The following LINGO2 variants were observed in gnomAD, a reference collection of about 807,000 sequenced individuals.
The protein encoded by LINGO2 is leucine rich repeat and Ig domain containing 2.
A neutral mutation model predicts 30.6 loss-of-function variants in LINGO2; 14 were observed. The ratio of observed to expected loss-of-function variants is 0.46; its 90% CI spans 0.30 to 0.72. The LOEUF is 0.72. Ranked by LOEUF, LINGO2 falls within the 30% of genes least tolerant of loss-of-function variation. LINGO2 has a pLI of 0.07. For synonymous variants in LINGO2, 317 were observed against 288.5 expected (o/e 1.10, Z -1.00); for missense variants, 729 against 751.7 (o/e 0.97, Z 0.35).
chr9:28,055,521 C>A (rs568309515), intron 4 of LINGO2, among the ~76,000 whole-genome samples: 2 of 152,138 alleles, frequency 1.3e-5, no homozygotes, highest in Non-Finnish European at 2.9e-5. Flanking sequence ...TAAGGTACTT[C>A]TGTGGATTGG....
chr9:28,469,748 A>G (rs1825448672), intron 2 of LINGO2, among the ~76,000 whole-genome samples: 1 of 152,166 alleles, frequency 6.6e-6, no homozygotes, highest in Non-Finnish European at 1.5e-5. Flanking sequence ...ATAAGGGAGA[A>G]ATTAAAACAT....
At chr9:28,003,812 T>C (rs756373450) in intron 5 of LINGO2, among the ~76,000 whole-genome samples, 35 of 152,302 alleles carry the variant, frequency 2.3e-4, no homozygotes, top group Non-Finnish European at 4.9e-4. Context: ...TTTTGTTATA[T>C]GTCCTAAGTT....
chr9:28,151,909 C>G (rs1234772096), intron 4 of LINGO2, among the ~76,000 whole-genome samples: 2 of 151,880 alleles, frequency 1.3e-5, no homozygotes, highest in South Asian at 2.1e-4. Context: ...TTAAAGACAC[C>G]AATATTTCCT....
chr9:28,393,610 A>C (rs993144748), intron 2 of LINGO2, among the ~76,000 whole-genome samples: 1 of 152,202 alleles, frequency 6.6e-6, no homozygotes, highest in Non-Finnish European at 1.5e-5. Flanking sequence ...GAGACGAGGG[A>C]TGGGTAACAA....
At chr9:28,144,086 A>G (rs1236297900) in intron 4 of LINGO2, among the ~76,000 whole-genome samples, 1 of 152,200 alleles carries the variant, frequency 6.6e-6, no homozygotes, top group Non-Finnish European at 1.5e-5. Context: ...AGATAGATAA[A>G]TGGTTGAACA....
intron 2 of LINGO2, among the ~76,000 whole-genome samples, chr9:28,469,700 A>G (rs887554448): frequency 1.3e-5 from 2 of 152,204 alleles, no homozygotes; most frequent in African/African-American, 4.8e-5. Flanking sequence ...AAACCTGTCA[A>G]TCTAGAATCT....
At chr9:28,854,359 T>C in the LINGO2 span, among the ~76,000 whole-genome samples, 1 of 152,136 alleles carries the variant, frequency 6.6e-6, no homozygotes, top group Admixed American at 6.6e-5. Flanking sequence ...TGCTAAGTTA[T>C]AGAAATCTTT....
chr9:28,532,773 G>A (rs1456957342), intron 1 of LINGO2, among the ~76,000 whole-genome samples: 2 of 152,006 alleles, frequency 1.3e-5, no homozygotes, highest in African/African-American at 4.8e-5. Context: ...TTGGGGACCA[G>A]GTGTCAAAGT....
intron 1 of LINGO2, among the ~76,000 whole-genome samples, chr9:28,598,290 T>C (rs541614137): frequency 2.0e-5 from 3 of 152,022 alleles, no homozygotes; most frequent in Admixed American, 6.6e-5. Context: ...CACTCATTCA[T>C]ACTTTTGTTC....
chr9:28,804,012 C>A, the LINGO2 span, among the ~76,000 whole-genome samples: 1 of 152,052 alleles, frequency 6.6e-6, no homozygotes, highest in Non-Finnish European at 1.5e-5. Context: ...ATCTCTAAAA[C>A]AGGCATCAAA....
the LINGO2 span, among the ~76,000 whole-genome samples, chr9:28,974,566 T>C: frequency 3.9e-5 from 6 of 152,198 alleles, no homozygotes; most frequent in African/African-American, 1.4e-4. Context: ...TAATGGGTTA[T>C]AAGATAGTAT....
the LINGO2 span, among the ~76,000 whole-genome samples, chr9:29,035,262 G>A: frequency 6.6e-6 from 1 of 151,980 alleles, no homozygotes; most frequent in South Asian, 2.1e-4. Flanking sequence ...TCCAGGAGAT[G>A]AAGGTCACAT....
rs117866788 is a variant in LINGO2 at position 27,991,513 on chromosome 9, C to T, written c.-36+20842G>A. Among the ~76,000 whole-genome samples the T allele has an allele frequency of 2.1e-4, 32 of 152,108 alleles. No individual in the cohort carries two copies. In the East Asian group the frequency reaches 2.3e-3, roughly 11 times the overall value. ...CAATTAGCATAGCTCTCTCAAGACC[C>T]GGCAGATGCTAGGCGTCAAGGCATC... is the stretch of plus-strand genomic sequence containing the variant. On this transcript the variant is annotated intron_variant, in intron 5 of 5. Coordinates refer to ENST00000379992, the Ensembl canonical transcript of LINGO2.
At chr9:27,980,175 G>A (rs577033786) in intron 5 of LINGO2, among the ~76,000 whole-genome samples, 60 of 152,044 alleles carry the variant, frequency 3.9e-4, no homozygotes, top group African/African-American at 1.4e-3. Context: ...GCAAAATAAT[G>A]TATAGTAATG....
the LINGO2 span, among the ~76,000 whole-genome samples, chr9:29,123,019 T>A: frequency 5.3e-5 from 8 of 152,240 alleles, no homozygotes; most frequent in South Asian, 1.7e-3. Flanking sequence ...GCATTTATAA[T>A]TCATTTCCAA....
intron 4 of LINGO2, among the ~76,000 whole-genome samples, chr9:28,015,460 A>G (rs924999852): frequency 6.9e-6 from 1 of 145,000 alleles, no homozygotes; most frequent in Admixed American, 7.1e-5. Flanking sequence ...TAAATCATCA[A>G]TGCAAGAATT....
the LINGO2 span, among the ~76,000 whole-genome samples, chr9:29,080,588 T>C: frequency 1.3e-5 from 2 of 152,184 alleles, no homozygotes; most frequent in African/African-American, 2.4e-5. Flanking sequence ...TTTAGTGCTA[T>C]AAATTTCCCT....
chr9:28,662,674 G>C (rs1307246202), intron 1 of LINGO2, among the ~76,000 whole-genome samples: 1 of 152,046 alleles, frequency 6.6e-6, no homozygotes, highest in South Asian at 2.1e-4. Context: ...TTGCAGAATG[G>C]GGACAATGAC....
At chr9:28,486,784 T>A (rs1218094327) in intron 1 of LINGO2, among the ~76,000 whole-genome samples, 3 of 151,910 alleles carry the variant, frequency 2.0e-5, no homozygotes, top group African/African-American at 4.8e-5. Context: ...CCCCACAAAA[T>A]GGAATTTTAA....
Sources: gnomAD v4.1 joint callset for allele counts (sites outside exome capture counted in the v4.1 genomes callset) on GRCh38, gnomAD v4.1.1 for gene constraint, MANE v1.5 for transcripts, NCBI Gene and HGNC (gene_info 2026-07-23, HGNC 2026-07-21) for gene names.